The following FSIP2 variants were observed in gnomAD, a reference collection of about 807,000 sequenced individuals.
FSIP2 encodes the protein fibrous sheath interacting protein 2.
In FSIP2, 367 loss-of-function variants were observed where a neutral mutation model predicts 510.5. The ratio of observed to expected loss-of-function variants is 0.72; its 90% CI spans 0.66 to 0.78. The LOEUF (loss-of-function observed/expected upper bound fraction) is 0.78. Among genes scored for constraint, FSIP2 ranks in the 30% least tolerant of loss-of-function variants. The probability of loss-of-function intolerance (pLI) is 0.00; values close to 1 mark genes in which losing one functional copy is unlikely to be tolerated. For synonymous variants in FSIP2, 2,601 were observed against 2,732.2 expected (o/e 0.95, Z 1.50); for missense variants, 7,594 against 7,901.7 (o/e 0.96, Z 1.48).
In FSIP2 at chr2:185,756,230, A is replaced by G; in HGVS notation, c.1030A>G (p.Met344Val). Residue 344 changes from methionine to valine, a missense_variant, in exon 9 of 23, where the codon ATG becomes GTG. Met to Val is a conservative substitution (Grantham distance 21). Transcript: ENST00000424728. ...KNKKKTSEDI[M>V]LVYPAGDQNT... ...TAAAAAGAAGACTTCTGAAGATATA[A>G]TGTTAGTTTATCCTGCTGGAGACCA... The G allele has an allele frequency of 7.4e-7, 1 of 1,345,468 alleles. No homozygotes were observed. Among genetic ancestry groups the G allele is most frequent in the Non-Finnish European group, 1.0e-6 (1 of 992,276 alleles). 83.3% of individuals were successfully genotyped at this position (1,345,468 alleles called of 1,614,324 possible).
chr2:185,833,116 C>T lies in FSIP2; in HGVS notation c.20614C>T (p.Gln6872Ter), dbSNP rs769241484. 1.2e-6 allele frequency: 2 copies of T among 1,610,652 alleles called. No individual in the cohort carries two copies. The highest frequency in any genetic ancestry group is 1.7e-6 in the Non-Finnish European group (2 of 1,177,898). ...SETPKPDVSK[Q>*]GSKMLTKMSS... The stretch of plus-strand genomic sequence containing the variant: ...AACTCCCAAGCCCGATGTCTCCAAA[C>T]AAGGATCTAAAATGCTGACAAAAAT... The change falls in exon 23 of 23, where the codon CAA (glutamine) becomes TAA (stop). Residue 6872 changes from glutamine (Q) to a stop codon, truncating the protein, a stop_gained. Transcript: ENST00000424728. LOFTEE classifies it low-confidence loss of function (END_TRUNC).
chr2:185,751,914 A>G (rs549380794), intron 7 of FSIP2, among the ~76,000 whole-genome samples: 7 of 151,406 alleles, frequency 4.6e-5, no homozygotes, highest in Non-Finnish European at 1.0e-4. Flanking sequence ...TTATATACAT[A>G]CACGTAATAA....
intron 13 of FSIP2, among the ~76,000 whole-genome samples, chr2:185,774,711 C>A (rs1692681014): frequency 7.6e-6 from 1 of 132,316 alleles, no homozygotes; most frequent in Non-Finnish European, 1.6e-5. Context: ...AGGTATATCT[C>A]CCAATGCTAT....
chr2:185,801,653 A>G lies in FSIP2; in HGVS notation c.12347A>G (p.Lys4116Arg), dbSNP rs908350807. The change falls in exon 17 of 23, where the codon AAG becomes AGG. Residue 4116 changes from lysine (K) to arginine (R), a missense_variant. By Grantham distance (26) the Lys-to-Arg change is conservative (BLOSUM62 2). Coordinates refer to ENST00000424728, the MANE Select transcript of FSIP2 (RefSeq NM_173651.4). ...CTCAAACCTGAAATTATATTGCAAA[A>G]GCTTCAAAGTAACCTAACAGAATTT... ...YPLKPEIILQKLQSNLTEFTS... is the reference protein window; with the variant it reads ...YPLKPEIILQRLQSNLTEFTS... 2.0e-6 allele frequency: 3 copies of G among 1,529,522 alleles called. No homozygotes were observed. The African/African-American group carries it at 4.1e-5, about 21-fold the overall frequency. 94.7% of individuals were successfully genotyped at this position (1,529,522 alleles called of 1,614,324 possible).
intron 13 of FSIP2, among the ~76,000 whole-genome samples, chr2:185,779,930 T>G (rs1692806639): frequency 6.6e-6 from 1 of 151,756 alleles, no homozygotes; most frequent in Admixed American, 6.6e-5. Context: ...GGGGACAGTT[T>G]TTTTTTTTTT....
At position 185,804,416 on chromosome 2, in the gene FSIP2, A is replaced by C; in HGVS notation, c.15110A>C (p.Lys5037Thr). 2 of 1,507,954 alleles carry C rather than the reference A, an allele frequency of 1.3e-6. No homozygotes were observed. The highest frequency in any genetic ancestry group is 1.7e-4 in the Middle Eastern group (1 of 5,850). 93.4% of individuals were successfully genotyped at this position (1,507,954 alleles called of 1,614,324 possible). A position where few individuals can be genotyped will look rare whatever the true frequency, so the allele number is the denominator to read the frequency against. The change falls in exon 17 of 23, where the codon AAA becomes ACA. Residue 5037 changes from lysine to threonine, a missense_variant. Transcript: ENST00000424728. ...SVYGKVLDQY[K>T]SLIQIHRVIQ... ...TATGGAAAAGTATTAGATCAATATAAATCTCTGATTCAAATACATAGGGTT... is the reference window on the plus strand; with the variant it reads ...TATGGAAAAGTATTAGATCAATATACATCTCTGATTCAAATACATAGGGTT...
Position 185,790,537 on chromosome 2 carries a change from G to A in FSIP2, c.3401G>A (p.Gly1134Asp), listed in dbSNP as rs1261676611. The change falls in exon 16 of 23, where the codon GGC (glycine) becomes GAC (aspartate). Residue 1134 changes from glycine (G) to aspartate (D), a missense_variant. Coordinates refer to ENST00000424728, the MANE Select transcript of FSIP2 (RefSeq NM_173651.4). ...VPFGHLDSKTGSEASVLVSEK... is the reference protein window; with the variant it reads ...VPFGHLDSKTDSEASVLVSEK... Reference sequence around the variant, plus strand: ...TTTGGTCACTTAGACAGCAAAACTGGCAGTGAAGCTTCAGTTCTTGTTTCA... The same window carrying A: ...TTTGGTCACTTAGACAGCAAAACTGACAGTGAAGCTTCAGTTCTTGTTTCA... The A allele has an allele frequency of 3.9e-6, 6 of 1,533,864 alleles. No homozygotes were observed. The highest frequency in any genetic ancestry group is 3.9e-5 in the Admixed American group (2 of 50,784).
rs1394347663 is a variant in FSIP2 at position 185,792,856 on chromosome 2, T to A, written c.5720T>A (p.Val1907Asp). 3.9e-6 allele frequency: 6 copies of A among 1,534,252 alleles called. No homozygotes were observed. In the African/African-American group the frequency reaches 8.2e-5, roughly 21 times the overall value. The change falls in exon 16 of 23, where the codon GTT becomes GAT. Residue 1907 changes from valine to aspartate, a missense_variant. Val to Asp is a radical substitution (Grantham distance 152). Transcript: ENST00000424728. ...NPCTFQSRFSVADKETKVNLA... is the reference protein window; with the variant it reads ...NPCTFQSRFSDADKETKVNLA... ...TGTACTTTTCAGTCTAGATTCAGCG[T>A]TGCTGACAAGGAGACAAAGGTAAAT... is the stretch of plus-strand genomic sequence containing the variant.
At position 185,802,623 on chromosome 2, in the gene FSIP2, T is replaced by G; in HGVS notation, c.13317T>G (p.Ile4439Met). The stretch of plus-strand genomic sequence containing the variant: ...ATTCTAATTCAGTGGCTGAGAATAT[T>G]GTTCAGGACATCCTTAGTAACATCA... ...STYSNSVAEN[I>M]VQDILSNISK... The change falls in exon 17 of 23, where the codon ATT becomes ATG. Residue 4439 changes from isoleucine to methionine, a missense_variant. Transcript: ENST00000424728. The G allele has an allele frequency of 2.0e-6, 3 of 1,533,794 alleles. No homozygotes were observed. Among genetic ancestry groups the G allele is most frequent in the Non-Finnish European group, 2.6e-6 (3 of 1,145,376 alleles).
chr2:185,829,805 A>G (rs1694075447), intron 21 of FSIP2, among the ~76,000 whole-genome samples: 2 of 152,102 alleles, frequency 1.3e-5, no homozygotes, highest in South Asian at 4.1e-4. Flanking sequence ...GAAACAGCAC[A>G]CACACAGAGG....
Position 185,788,695 on chromosome 2 carries a change from T to TG in FSIP2, c.1561dup (p.Ala521GlyfsTer15). On this transcript the variant is annotated frameshift_variant, in exon 16 of 23. Transcript: ENST00000424728. LOFTEE classifies it high-confidence loss of function. ...ATTCAGAATGTAATGACCTGGGTTG[T>TG]GGCTACAGTGACCAGTATATTGTAC... 6.5e-7 allele frequency: 1 copy of TG among 1,531,942 alleles called. No homozygotes were observed. The highest frequency in any genetic ancestry group is 8.7e-7 in the Non-Finnish European group (1 of 1,144,486). 94.9% of individuals were successfully genotyped at this position (1,531,942 alleles called of 1,614,324 possible).
chr2:185,813,460 A>C, intron 17 of FSIP2, 85 bp from the exon 18 acceptor site: 1 of 734,222 alleles, frequency 1.4e-6, no homozygotes, highest in Admixed American at 3.3e-5. Context: ...ACTAGAAATT[A>C]TAAGAAAATA....
Position 185,795,997 on chromosome 2 carries a change from C to G in FSIP2, c.8861C>G (p.Ala2954Gly), listed in dbSNP as rs1304947390. 2.0e-6 allele frequency: 3 copies of G among 1,534,166 alleles called. No homozygotes were observed. Among genetic ancestry groups the G allele is most frequent in the Non-Finnish European group, 2.6e-6 (3 of 1,145,826 alleles). The change falls in exon 16 of 23, where the codon GCT becomes GGT. Residue 2954 changes from alanine to glycine, a missense_variant. Physicochemically the swap from Ala to Gly is moderately conservative, Grantham distance 60 (BLOSUM62 0). Coordinates refer to ENST00000424728, the MANE Select transcript of FSIP2 (RefSeq NM_173651.4). ...TLSNSKEHITAKSKYGFPNKH... is the reference protein window; with the variant it reads ...TLSNSKEHITGKSKYGFPNKH... The stretch of plus-strand genomic sequence containing the variant: ...TCAAACAGTAAAGAACACATTACTG[C>G]TAAAAGTAAATATGGTTTTCCAAAC...
At chr2:185,758,070 A>G (rs1692277906) in intron 9 of FSIP2, among the ~76,000 whole-genome samples, 1 of 151,260 alleles carries the variant, frequency 6.6e-6, no homozygotes, top group South Asian at 2.1e-4. Flanking sequence ...GGAGAGTGTC[A>G]TATAAATGGA....
rs766145338 is a variant in FSIP2, at chr2:185,813,989, A to G, written c.20272A>G (p.Lys6758Glu). 2 of 1,613,422 alleles carry G rather than the reference A, an allele frequency of 1.2e-6. No individual in the cohort carries two copies. The highest frequency in any genetic ancestry group is 3.3e-5 in the Admixed American group (2 of 59,922). Residue 6758 changes from lysine (K) to glutamate (E), a missense_variant, in exon 18 of 23, where the codon AAG (lysine) becomes GAG (glutamate). By Grantham distance (56) the Lys-to-Glu change is moderately conservative (BLOSUM62 1). Transcript: ENST00000424728. ...AVAELDMATP[K>E]TMPETASSSW... ...TGCTGAGCTTGACATGGCCACACCA[A>G]AGACGATGCCTGAAACAGCCTCTTC...
intron 7 of FSIP2, among the ~76,000 whole-genome samples, chr2:185,751,714 A>G (rs529202131): frequency 3.9e-4 from 59 of 150,250 alleles, no homozygotes; most frequent in African/African-American, 1.4e-3. Flanking sequence ...TCTATTTTGT[A>G]TATTGCTTCT....
chr2:185,820,212 G>C (rs1303086689), intron 19 of FSIP2, among the ~76,000 whole-genome samples: 3 of 151,930 alleles, frequency 2.0e-5, no homozygotes, highest in Admixed American at 1.3e-4. Context: ...GAGTTCTCAT[G>C]AGATCTGATT....
chr2:185,822,582 C>T (rs1693943609), intron 19 of FSIP2, among the ~76,000 whole-genome samples: 1 of 151,800 alleles, frequency 6.6e-6, no homozygotes, highest in African/African-American at 2.4e-5. Flanking sequence ...AGTAGAAAGA[C>T]ACCTCATGTT....
chr2:185,811,580 A>C (rs556711603), intron 17 of FSIP2, among the ~76,000 whole-genome samples: 48 of 152,160 alleles, frequency 3.2e-4, no homozygotes, highest in African/African-American at 1.1e-3. Context: ...TAAAACTACC[A>C]GTTCTTAGAG....
Sources: gnomAD v4.1 joint callset for allele counts (sites outside exome capture counted in the v4.1 genomes callset) on GRCh38, gnomAD v4.1.1 for gene constraint, MANE v1.5 for transcripts, NCBI Gene and HGNC (gene_info 2026-07-23, HGNC 2026-07-21) for gene names.